The following ITGA5 variants were observed in gnomAD, a reference collection of about 807,000 sequenced individuals.
The protein encoded by ITGA5 is integrin subunit alpha 5.
ITGA5 carries 55 observed loss-of-function variants against 146.3 expected under a neutral mutation model. The observed-to-expected ratio is 0.38, with a 90% CI of 0.30 to 0.47. The LOEUF (loss-of-function observed/expected upper bound fraction) is 0.47, where lower values mean the gene tolerates loss of function less well. ITGA5 is among the 20% of genes least tolerant of loss of function. ITGA5 has a pLI of 0.99. For missense variants in ITGA5, 1,131 were observed against 1,329.0 expected (o/e 0.85, Z 2.32); for synonymous variants, 500 against 531.8 (o/e 0.94, Z 0.82).
In ITGA5 at chr12:54,405,683, T is replaced by C. The variant is rs1180932291; in HGVS notation, c.997A>G (p.Thr333Ala). The C allele has an allele frequency of 6.2e-7, 1 of 1,613,934 alleles. No individual in the cohort carries two copies. The highest frequency in any genetic ancestry group is 8.5e-7 in the Non-Finnish European group (1 of 1,179,858). ...ASYFGYAVAATDVNGDGLDDL... is the reference protein window; with the variant it reads ...ASYFGYAVAAADVNGDGLDDL... ...ACTCACCCGTCCCCATTGACGTCTG[T>C]GGCGGCCACTGCATAGCCAAAGTAG... The change falls in exon 11 of 30, where the codon ACA (threonine) becomes GCA (alanine). Residue 333 changes from threonine to alanine, a missense_variant. Coordinates refer to ENST00000293379, the MANE Select transcript of ITGA5 (RefSeq NM_002205.5).
chr12:54,396,835 C>A (rs1401587331), intron 29 of ITGA5, among the ~76,000 whole-genome samples: 1 of 152,086 alleles, frequency 6.6e-6, no homozygotes, highest in African/African-American at 2.4e-5. Context: ...AGGCACGCAC[C>A]ACCAAACCTG....
chr12:54,409,403 TCCTC>T lies in ITGA5; in HGVS notation c.463-55_463-52del. 1 of 1,607,904 alleles carries T rather than the reference TCCTC, an allele frequency of 6.2e-7. No individual in the cohort carries two copies. Among genetic ancestry groups the T allele is most frequent in the Non-Finnish European group, 8.5e-7 (1 of 1,177,050 alleles). On this transcript the variant is annotated intron_variant, in intron 3 of 29. Coordinates refer to ENST00000293379, the MANE Select transcript of ITGA5 (RefSeq NM_002205.5). The surrounding 1 kb of genome is among the most constrained non-coding windows in gnomAD (Gnocchi z 4.7). ...TTCAGATTCAGTCCAATAAGGCCCTTCCTCCCTCCCTCCAGGCCCGGCCTTACCC... is the reference window on the plus strand; with the variant it reads ...TTCAGATTCAGTCCAATAAGGCCCTTCCTCCCTCCAGGCCCGGCCTTACCC...
At chr12:54,397,248 C>T in intron 29 of ITGA5, 117 bp downstream of exon 29, 1 of 1,121,218 alleles carries the variant, frequency 8.9e-7, no homozygotes, top group Non-Finnish European at 1.3e-6. Flanking sequence ...GTAGCCAGGA[C>T]AGAGGTGGGG....
In ITGA5 at chr12:54,406,329, C is replaced by T. The variant is rs148941801; in HGVS notation, c.907-403G>A. Among the ~76,000 whole-genome samples, 340 of 152,292 alleles carry T rather than the reference C, an allele frequency of 2.2e-3. 1 individual carries two copies. The highest frequency in any genetic ancestry group is 7.6e-3 in the African/African-American group (317 of 41,558). On this transcript the variant is annotated intron_variant, in intron 9 of 29. Transcript: ENST00000293379. ...GTGTGCTGGTGCCTCAAACCCATCA[C>T]GTTCAAAACCTAAGTCATCCTCATC...
intron 28 of ITGA5, among the ~76,000 whole-genome samples, chr12:54,397,893 A>T (rs1955732156): frequency 6.6e-6 from 1 of 151,082 alleles, no homozygotes. Flanking sequence ...GGGCTTTCAT[A>T]TCATATCCAT....
intron 2 of ITGA5, among the ~76,000 whole-genome samples, chr12:54,410,109 C>A (rs1174124188): frequency 6.6e-6 from 1 of 151,924 alleles, no homozygotes; most frequent in Non-Finnish European, 1.5e-5. Flanking sequence ...CCCGCCTCAG[C>A]CTCCCAAAGT....
At chr12:54,414,790 G>A (rs1013376846) in intron 1 of ITGA5, among the ~76,000 whole-genome samples, 1 of 149,084 alleles carries the variant, frequency 6.7e-6, no homozygotes, top group African/African-American at 2.5e-5. Flanking sequence ...GAGCTTGCAG[G>A]GAGCCGAGAT....
rs1955728049 is a variant in ITGA5 at position 54,397,541 on chromosome 12, A to C, written c.2944-54T>G. Reference sequence around the variant, plus strand: ...AAAGCTCAGAAGTTCTTTCTACCCTATACTTGGCCCCCACTTGTCATTGGA... The same window carrying C: ...AAAGCTCAGAAGTTCTTTCTACCCTCTACTTGGCCCCCACTTGTCATTGGA... On this transcript the variant is annotated intron_variant, in intron 28 of 29. Coordinates refer to ENST00000293379, the MANE Select transcript of ITGA5 (RefSeq NM_002205.5). The C allele has an allele frequency of 5.0e-6, 8 of 1,604,556 alleles. No individual in the cohort carries two copies. The South Asian group carries it at 8.8e-5, about 18-fold the overall frequency.
intron 28 of ITGA5, 24 bp from the exon 29 acceptor site, chr12:54,397,511 C>T (rs1287130744): frequency 1.2e-6 from 2 of 1,612,990 alleles, no homozygotes; most frequent in Non-Finnish European, 1.7e-6. Context: ...TGGGTGAAGT[C>T]AATGAAAGCT....
chr12:54,400,065 C>A, intron 25 of ITGA5, 118 bp from the exon 26 acceptor site: 1 of 726,072 alleles, frequency 1.4e-6, no homozygotes, highest in South Asian at 1.6e-5. Flanking sequence ...TTGATTCATC[C>A]AACTGTCCAC....
rs1291255820 is a variant in ITGA5 at position 54,409,797 on chromosome 12, CACACAT to C, written c.350-206_350-201del. 7 of 565,800 alleles carry C rather than the reference CACACAT, an allele frequency of 1.2e-5. No individual in the cohort carries two copies. Among genetic ancestry groups the C allele is most frequent in the Non-Finnish European group, 1.9e-5 (6 of 315,134 alleles). 35.0% of individuals were successfully genotyped at this position (565,800 alleles called of 1,614,324 possible). ...TGTAGCCTGACTTATCTCTCCACTA[CACACAT>C]ACACATACACACACACACATACATA... is the stretch of plus-strand genomic sequence containing the variant. On this transcript the variant is annotated intron_variant, in intron 2 of 29. Coordinates refer to ENST00000293379, the MANE Select transcript of ITGA5 (RefSeq NM_002205.5). The surrounding 1 kb of genome is among the most constrained non-coding windows in gnomAD (Gnocchi z 4.7).
chr12:54,396,370 A>G lies in ITGA5; in HGVS notation c.3073T>C (p.Phe1025Leu). 1 of 1,613,526 alleles carries G rather than the reference A, an allele frequency of 6.2e-7. No homozygotes were observed. Among genetic ancestry groups the G allele is most frequent in the South Asian group, 1.1e-5 (1 of 91,078 alleles). Residue 1025 changes from phenylalanine (F) to leucine (L), a missense_variant, in exon 30 of 30, where the codon TTC becomes CTC. By Grantham distance (22) the Phe-to-Leu change is conservative. This residue lies in a region of ITGA5 where 889 missense variants were observed against 1,021.5 expected (regional missense o/e 0.87). Transcript: ENST00000293379. ...LLIYILYKLG[F>L]FKRSLPYGTA... Reference sequence around the variant, plus strand: ...CCATATGGGAGGGAGCGTTTGAAGAATCCAAGCTGATAAAGGGGAAAAGAG... The same window carrying G: ...CCATATGGGAGGGAGCGTTTGAAGAGTCCAAGCTGATAAAGGGGAAAAGAG...
In ITGA5 at chr12:54,401,023, G is replaced by T; in HGVS notation, c.2494-28C>A. 1 of 1,608,564 alleles carries T rather than the reference G, an allele frequency of 6.2e-7. No homozygotes were observed. Among genetic ancestry groups the T allele is most frequent in the South Asian group, 1.1e-5 (1 of 90,252 alleles). On this transcript the variant is annotated intron_variant, in intron 24 of 29. Coordinates refer to ENST00000293379, the MANE Select transcript of ITGA5 (RefSeq NM_002205.5). The surrounding 1 kb of genome is among the most constrained non-coding windows in gnomAD (Gnocchi z 5.0). ...GAGGAGGGAAGAGCACAATCATCAT[G>T]AGAAGGAAGGGAATGCTTCTGCCCC... is the stretch of plus-strand genomic sequence containing the variant.
rs778664137 is a variant in ITGA5 at position 54,418,940 on chromosome 12, G to C, written c.218+41C>G. 4.4e-6 allele frequency: 7 copies of C among 1,603,106 alleles called. No homozygotes were observed. The East Asian group carries it at 1.6e-4, about 36-fold the overall frequency. On this transcript the variant is annotated intron_variant, in intron 1 of 29. Transcript: ENST00000293379. The stretch of plus-strand genomic sequence containing the variant: ...CAGCCGCGCCCCCAGTCTCCAGGCG[G>C]CTCCCCCACCCCCATCCCGTCTCCA...
chr12:54,402,700 CAA>C (rs1316524763), intron 19 of ITGA5, among the ~76,000 whole-genome samples: 5 of 123,308 alleles, frequency 4.1e-5, no homozygotes, highest in African/African-American at 9.1e-5. Flanking sequence ...GACTCCGTCT[CAA>C]AAAAAAAAAA....
intron 1 of ITGA5, among the ~76,000 whole-genome samples, chr12:54,415,574 G>A (rs1955996852): frequency 6.6e-6 from 1 of 152,114 alleles, no homozygotes; most frequent in Admixed American, 6.5e-5. Flanking sequence ...TGATTTCTAC[G>A]ACAGCATTCT....
chr12:54,413,734 A>G (rs1290746730), intron 1 of ITGA5, among the ~76,000 whole-genome samples: 2 of 152,248 alleles, frequency 1.3e-5, no homozygotes, highest in Admixed American at 1.3e-4. Flanking sequence ...GAACTAGACC[A>G]GAACAGCAGA....
In ITGA5 at chr12:54,403,374, G is replaced by A. The variant is rs1032816378; in HGVS notation, c.1777-50C>T. Reference sequence around the variant, plus strand: ...GGAGTCAGGGGACTCTGGAGACTTAGTGGCCCTGCTCCTCAGCCTCTCTCA... The same window carrying A: ...GGAGTCAGGGGACTCTGGAGACTTAATGGCCCTGCTCCTCAGCCTCTCTCA... On this transcript the variant is annotated intron_variant, in intron 17 of 29. Transcript: ENST00000293379. The surrounding 1 kb of genome is among the most constrained non-coding windows in gnomAD (Gnocchi z 4.9). 6.7e-7 allele frequency: 1 copy of A among 1,490,604 alleles called. No individual in the cohort carries two copies. Among genetic ancestry groups the A allele is most frequent in the East Asian group, 2.3e-5 (1 of 42,658 alleles). 92.3% of individuals were successfully genotyped at this position (1,490,604 alleles called of 1,614,324 possible). A position where few individuals can be genotyped will look rare whatever the true frequency, so the allele number is the denominator to read the frequency against.
intron 2 of ITGA5, among the ~76,000 whole-genome samples, chr12:54,410,048 G>A (rs184330490): frequency 2.6e-5 from 4 of 151,938 alleles, no homozygotes; most frequent in Non-Finnish European, 5.9e-5. Flanking sequence ...GTAGAGACGG[G>A]GTTTCATCAT....
Sources: allele counts gnomAD v4.1 joint callset (sites outside exome capture counted in the v4.1 genomes callset), GRCh38; gene constraint gnomAD v4.1.1; regional missense constraint gnomAD v4.1.1; non-coding constraint Gnocchi (gnomAD v3.1); transcripts MANE v1.5; gene names NCBI Gene and HGNC (gene_info 2026-07-23, HGNC 2026-07-21).